The following PDE9A variants were observed in gnomAD, a reference collection of about 807,000 sequenced individuals.
PDE9A encodes high affinity cGMP-specific 3',5'-cyclic phosphodiesterase 9A.
Under a neutral mutation model 87.4 loss-of-function variants are expected in PDE9A, and 60 were observed. The observed-to-expected ratio is 0.69, with a 90% CI of 0.56 to 0.85. The LOEUF (loss-of-function observed/expected upper bound fraction) is 0.85, where lower values mean the gene tolerates loss of function less well. Ranked by LOEUF, PDE9A falls within the 40% of genes least tolerant of loss-of-function variation. The probability of loss-of-function intolerance (pLI) is 0.00; values close to 1 mark genes in which losing one functional copy is unlikely to be tolerated. For synonymous variants in PDE9A, 272 were observed against 279.4 expected (o/e 0.97, Z 0.27); for missense variants, 665 against 779.0 (o/e 0.85, Z 1.74).
At chr21:42,685,760 G>T (rs1415628596) in intron 1 of PDE9A, among the ~76,000 whole-genome samples, 10 of 152,078 alleles carry the variant, frequency 6.6e-5, no homozygotes, top group South Asian at 2.1e-4. Flanking sequence ...GAGCCACCGC[G>T]CCCGGCCTTT....
chr21:42,745,696 G>C lies in PDE9A; in HGVS notation c.653+1836G>C, dbSNP rs192253096. Among the ~76,000 whole-genome samples, 438 of 152,360 alleles carry C rather than the reference G, an allele frequency of 2.9e-3. 1 individual carries two copies. The highest frequency in any genetic ancestry group is 3.7e-3 in the Non-Finnish European group (252 of 68,032). ...CGCCCCAGGTGCCATGGCTGCTTTG[G>C]CAGGAGGGTGGTGTTCCAGGGTGGT... On this transcript the variant is annotated intron_variant, in intron 8 of 19. Coordinates refer to ENST00000291539, the MANE Select transcript of PDE9A (RefSeq NM_002606.3).
rs2051431277 is a variant in PDE9A at position 42,728,974 on chromosome 21, T to G, written c.263-2796T>G. On this transcript the variant is annotated intron_variant, in intron 4 of 19. Transcript: ENST00000291539. The stretch of plus-strand genomic sequence containing the variant: ...GGGATCATACCACTGCACTCCAGCT[T>G]GGGGGACAGAGTGAGACTCAGTCTC... Among the ~76,000 whole-genome samples, 5 of 135,812 alleles carry G rather than the reference T, an allele frequency of 3.7e-5. 1 individual carries two copies. Among genetic ancestry groups the G allele is most frequent in the African/African-American group, 1.2e-4 (4 of 34,294 alleles). The allele number at this position is 135,812 out of a possible 152,430, so 89.1% of individuals were successfully genotyped here.
intron 3 of PDE9A, 143 bp from the exon 4 acceptor site, chr21:42,698,825 G>T: frequency 1.9e-6 from 1 of 520,236 alleles, no homozygotes; most frequent in South Asian, 3.4e-5. Context: ...AACAGTCAAA[G>T]AAGCTAATTT....
At chr21:42,737,052 A>T (rs1162714071) in intron 7 of PDE9A, among the ~76,000 whole-genome samples, 2 of 152,250 alleles carry the variant, frequency 1.3e-5, no homozygotes, top group South Asian at 2.1e-4. Context: ...CCTTTTGAGG[A>T]GAGGGCCTGC....
chr21:42,743,908 C>G, intron 8 of PDE9A, 48 bp downstream of exon 8: 1 of 1,094,940 alleles, frequency 9.1e-7, no homozygotes, highest in African/African-American at 1.6e-5. Flanking sequence ...GGGAGGGCTC[C>G]CCGTACCAGT....
chr21:42,762,742 G>C (rs2055940937), intron 14 of PDE9A, among the ~76,000 whole-genome samples: 1 of 152,104 alleles, frequency 6.6e-6, no homozygotes, highest in South Asian at 2.1e-4. Flanking sequence ...GCCCAGGCTG[G>C]AGTGTAATGG....
intron 1 of PDE9A, among the ~76,000 whole-genome samples, chr21:42,670,401 TTCACACATACATTCACACGCACTTACAG>T (rs2058434125): frequency 1.0e-5 from 1 of 97,202 alleles, no homozygotes; most frequent in African/African-American, 8.7e-5. Context: ...TTCACAAACA[TTCACACATACATTCACACGCACTTACAG>T]TCACACATAC....
In PDE9A at chr21:42,654,037, G is replaced by C. The variant is rs539600556; in HGVS notation, c.69+154G>C. Among the ~76,000 whole-genome samples, 17 of 147,010 alleles carry C rather than the reference G, an allele frequency of 1.2e-4. No individual in the cohort carries two copies. The South Asian group carries it at 3.5e-3, about 30-fold the overall frequency. ...TGGTCGGGGGCGGGGGTCCCCACGC[G>C]CCGGCTCCCCGGGGAAAGGGGCGAC... is the stretch of plus-strand genomic sequence containing the variant. On this transcript the variant is annotated intron_variant, in intron 1 of 19. Transcript: ENST00000291539.
At chr21:42,743,958 C>CAAACAAAG in intron 8 of PDE9A, 98 bp downstream of exon 8, 1 of 751,936 alleles carries the variant, frequency 1.3e-6, no homozygotes, top group South Asian at 1.5e-5. Context: ...AAAAGAAAGG[C>CAAACAAAG]TGGTGCAGTT....
Position 42,751,180 on chromosome 21 carries a change from G to A in PDE9A, c.718G>A (p.Val240Ile), listed in dbSNP as rs2054378399. 1.2e-6 allele frequency: 2 copies of A among 1,611,966 alleles called. No individual in the cohort carries two copies. The highest frequency in any genetic ancestry group is 1.7e-4 in the Middle Eastern group (1 of 6,058). Residue 240 changes from valine to isoleucine, a missense_variant, in exon 9 of 20, where the codon GTT becomes ATT. Coordinates refer to ENST00000291539, the MANE Select transcript of PDE9A (RefSeq NM_002606.3). ...CAAGAAGTTGACTCCTCGACGCGAT[G>A]TTCCCACTTACCCCAAGGTAAGATG... is the stretch of plus-strand genomic sequence containing the variant. ...NHKKLTPRRD[V>I]PTYPKYLLSP...
At chr21:42,718,666 G>A (rs1245627169) in intron 4 of PDE9A, among the ~76,000 whole-genome samples, 1 of 151,450 alleles carries the variant, frequency 6.6e-6, no homozygotes, top group Non-Finnish European at 1.5e-5. Flanking sequence ...CTCTGTTTAC[G>A]ATTTACTGAC....
chr21:42,741,636 G>C (rs1261342269), intron 7 of PDE9A: 1 of 152,112 alleles, frequency 6.6e-6, no homozygotes, highest in Non-Finnish European at 1.5e-5. Flanking sequence ...CAGATTCTTC[G>C]TCCTTCTGGC....
intron 4 of PDE9A, among the ~76,000 whole-genome samples, chr21:42,703,901 C>A (rs1191044694): frequency 6.6e-6 from 1 of 152,238 alleles, no homozygotes; most frequent in Admixed American, 6.5e-5. Context: ...AGGGGCATTT[C>A]TGCTAAAGGT....
intron 1 of PDE9A, among the ~76,000 whole-genome samples, chr21:42,657,433 CTG>C (rs1384354203): frequency 2.0e-5 from 3 of 152,234 alleles, no homozygotes; most frequent in South Asian, 2.1e-4. Flanking sequence ...TTCAGAGAGA[CTG>C]TGTCCTCTAG....
chr21:42,754,103 G>A, intron 10 of PDE9A, 39 bp downstream of exon 10: 1 of 1,359,424 alleles, frequency 7.4e-7, no homozygotes, highest in Non-Finnish European at 1.1e-6. Context: ...CCCAGGGGGA[G>A]GCAGCTCAGG....
chr21:42,765,030 G>T (rs146292605), intron 14 of PDE9A, among the ~76,000 whole-genome samples: 5,389 of 148,882 alleles, frequency 0.036, 149 homozygotes, highest in Middle Eastern at 0.097. Flanking sequence ...TGGGTGGATG[G>T]GTGGATGGAC....
intron 4 of PDE9A, among the ~76,000 whole-genome samples, chr21:42,710,362 T>C (rs1456558592): frequency 6.7e-6 from 1 of 150,112 alleles, no homozygotes; most frequent in African/African-American, 2.5e-5. Flanking sequence ...TGAGCAGAGG[T>C]TGCGCCACTG....
intron 8 of PDE9A, among the ~76,000 whole-genome samples, chr21:42,744,139 G>A (rs185528645): frequency 6.6e-5 from 10 of 152,294 alleles, no homozygotes; most frequent in African/African-American, 1.7e-4. Flanking sequence ...GATCACCTGA[G>A]GACAGGAGTT....
intron 1 of PDE9A, among the ~76,000 whole-genome samples, chr21:42,670,529 CAT>C (rs976203652): frequency 1.0e-4 from 15 of 150,232 alleles, no homozygotes; most frequent in African/African-American, 3.4e-4. Context: ...GGCAATCACA[CAT>C]TCACACTCAC....
Sources: allele counts gnomAD v4.1 joint callset (sites outside exome capture counted in the v4.1 genomes callset), GRCh38; gene constraint gnomAD v4.1.1; transcripts MANE v1.5; gene names NCBI Gene and HGNC (gene_info 2026-07-23, HGNC 2026-07-21).